XPR1: variants seen among roughly 807,000 people sequenced by gnomAD.
The protein encoded by XPR1 is xenotropic and polytropic retrovirus receptor 1, also known as solute carrier family 53 member 1.
In XPR1, 28 loss-of-function variants were observed where a neutral mutation model predicts 87.5. That is an observed-to-expected ratio of 0.32 (90% CI 0.24 to 0.44). The LOEUF (loss-of-function observed/expected upper bound fraction) is 0.44, where lower values mean the gene tolerates loss of function less well. Among genes scored for constraint, XPR1 ranks in the 20% least tolerant of loss-of-function variants. The pLI, the probability that XPR1 is intolerant of heterozygous loss-of-function variation, is 1.00. For synonymous variants in XPR1, 300 were observed against 306.1 expected (o/e 0.98, Z 0.21); for missense variants, 559 against 862.3 (o/e 0.65, Z 4.41).
chr1:180,847,215 C>T (rs1222810656), intron 11 of XPR1, among the ~76,000 whole-genome samples: 1 of 152,188 alleles, frequency 6.6e-6, no homozygotes, highest in Non-Finnish European at 1.5e-5. Context: ...AGTCTTCTCA[C>T]TTATGAATAT....
chr1:180,762,705 A>G (rs1027194962), intron 2 of XPR1, among the ~76,000 whole-genome samples: 4 of 152,242 alleles, frequency 2.6e-5, no homozygotes, highest in Admixed American at 6.5e-5. Flanking sequence ...GAACAAGTCT[A>G]TAATGCTAAT....
intron 11 of XPR1, among the ~76,000 whole-genome samples, chr1:180,854,704 A>G (rs901866531): frequency 3.9e-5 from 6 of 152,200 alleles, no homozygotes; most frequent in Non-Finnish European, 8.8e-5. Flanking sequence ...CATTGTTTTT[A>G]GGGACTGGTT....
intron 1 of XPR1, among the ~76,000 whole-genome samples, chr1:180,639,353 T>G (rs774597958): frequency 6.6e-6 from 1 of 152,120 alleles, no homozygotes; most frequent in Non-Finnish European, 1.5e-5. Flanking sequence ...ATAATTAATC[T>G]ACTGTAAACA....
intron 1 of XPR1, among the ~76,000 whole-genome samples, chr1:180,646,001 A>G (rs1655107250): frequency 6.6e-6 from 1 of 152,240 alleles, no homozygotes; most frequent in Non-Finnish European, 1.5e-5. Flanking sequence ...ACAAAAGTGC[A>G]CATAATATAT....
In XPR1 at chr1:180,731,328, G is replaced by A. The variant is rs147538037; in HGVS notation, c.121+48917G>A. Among the ~76,000 whole-genome samples, 853 of 152,280 alleles carry A rather than the reference G, an allele frequency of 5.6e-3. 11 individuals carry two copies. The highest frequency in any genetic ancestry group is 0.02 in the African/African-American group (812 of 41,528). On this transcript the variant is annotated intron_variant, in intron 2 of 14. Coordinates refer to ENST00000367590, the MANE Select transcript of XPR1 (RefSeq NM_004736.4). The stretch of plus-strand genomic sequence containing the variant: ...TGCTAAGGAAGAAGGCTTTAATCAG[G>A]TGCTGCGGCCGAGGGGATGGAAGCT...
intron 1 of XPR1, among the ~76,000 whole-genome samples, chr1:180,638,793 A>C (rs1318239677): frequency 6.6e-6 from 1 of 152,180 alleles, no homozygotes; most frequent in Non-Finnish European, 1.5e-5. Context: ...CATGGATATA[A>C]ATTTGTATTA....
At chr1:180,666,341 G>A (rs1011273068) in intron 1 of XPR1, among the ~76,000 whole-genome samples, 25 of 152,278 alleles carry the variant, frequency 1.6e-4, no homozygotes, top group African/African-American at 5.8e-4. Flanking sequence ...TTAGGATTTC[G>A]ATAGGTACTG....
intron 2 of XPR1, among the ~76,000 whole-genome samples, chr1:180,729,495 A>G (rs1356247446): frequency 6.6e-6 from 1 of 152,200 alleles, no homozygotes; most frequent in African/African-American, 2.4e-5. Context: ...TTTCCACAAT[A>G]GTTGAACTAA....
intron 2 of XPR1, among the ~76,000 whole-genome samples, chr1:180,739,346 A>G (rs958662407): frequency 6.6e-5 from 10 of 151,962 alleles, no homozygotes; most frequent in African/African-American, 1.7e-4. Context: ...TTTTATGGCT[A>G]TTTTCATTCT....
intron 2 of XPR1, among the ~76,000 whole-genome samples, chr1:180,702,191 T>C (rs1657358075): frequency 2.1e-5 from 2 of 94,656 alleles, no homozygotes; most frequent in East Asian, 2.5e-4. Context: ...CATTTCGTTA[T>C]GTACCCAGTA....
chr1:180,863,862 A>G lies in XPR1; in HGVS notation c.1656A>G (p.Val552=), dbSNP rs1652297650. 7.5e-6 allele frequency: 12 copies of G among 1,598,716 alleles called. No individual in the cohort carries two copies. The highest frequency in any genetic ancestry group is 1.0e-5 in the Non-Finnish European group (12 of 1,174,888). Residue 552 remains valine, a synonymous_variant, in exon 12 of 15, where the codon GTA becomes GTG. Transcript: ENST00000367590. Reference sequence around the variant, plus strand: ...ACACTTTCCTCCGGGAAGAGATTGTATACCCCCAAAAAGTATGTATAAAGA... The same window carrying G: ...ACACTTTCCTCCGGGAAGAGATTGTGTACCCCCAAAAAGTATGTATAAAGA... ...GENTFLREEI[V]YPQKAYYYCA...
intron 11 of XPR1, among the ~76,000 whole-genome samples, chr1:180,849,299 AAG>A: frequency 6.6e-6 from 1 of 152,244 alleles, no homozygotes; most frequent in East Asian, 1.9e-4. Flanking sequence ...ACATGACAGT[AAG>A]TAGCAAAACC....
chr1:180,684,606 C>T (rs577121039), intron 2 of XPR1, among the ~76,000 whole-genome samples: 90 of 152,214 alleles, frequency 5.9e-4, no homozygotes, highest in African/African-American at 2.1e-3. Flanking sequence ...AATATTGATT[C>T]TTCCTACCCA....
At chr1:180,701,446 A>G (rs1657327949) in intron 2 of XPR1, among the ~76,000 whole-genome samples, 1 of 129,198 alleles carries the variant, frequency 7.7e-6, no homozygotes, top group Non-Finnish European at 1.6e-5. Flanking sequence ...AATTTTGTCA[A>G]AGGCTTTTTC....
Position 180,670,429 on chromosome 1 carries a change from A to G in XPR1, c.70-11931A>G, listed in dbSNP as rs542792301. 1.8e-3 allele frequency among the ~76,000 whole-genome samples: 272 copies of G among 152,294 alleles called. 3 individuals carry two copies. The highest frequency in any genetic ancestry group is 6.3e-3 in the African/African-American group (262 of 41,558). The stretch of plus-strand genomic sequence containing the variant: ...CCATGAGGAGTACATTTAACATCAT[A>G]TAGTTAAAACACTCTAATTTGAATT... On this transcript the variant is annotated intron_variant, in intron 1 of 14. Transcript: ENST00000367590.
At chr1:180,822,894 A>T (rs886921629) in intron 7 of XPR1, among the ~76,000 whole-genome samples, 1 of 152,214 alleles carries the variant, frequency 6.6e-6, no homozygotes, top group African/African-American at 2.4e-5. Context: ...TAAATCTTCT[A>T]TATACTACAG....
At chr1:180,695,021 T>G (rs970639744) in intron 2 of XPR1, among the ~76,000 whole-genome samples, 9 of 152,196 alleles carry the variant, frequency 5.9e-5, no homozygotes, top group African/African-American at 2.2e-4. Context: ...CAACAGTGAA[T>G]AAGAGTCCCC....
Position 180,811,571 on chromosome 1 carries a change from G to A in XPR1, c.763+83G>A, listed in dbSNP as rs1330730043. 4 of 1,067,944 alleles carry A rather than the reference G, an allele frequency of 3.7e-6. No individual in the cohort carries two copies. The Admixed American group carries it at 6.5e-5, about 17-fold the overall frequency. 66.2% of individuals were successfully genotyped at this position (1,067,944 alleles called of 1,614,324 possible). A position where few individuals can be genotyped will look rare whatever the true frequency, so the allele number is the denominator to read the frequency against. On this transcript the variant is annotated intron_variant, in intron 7 of 14. Coordinates refer to ENST00000367590, the MANE Select transcript of XPR1 (RefSeq NM_004736.4). ...TGCCCCTCTGTAAGGAATTATGCAT[G>A]CAACTACCAAAGCTACTGAAAGATA...
intron 3 of XPR1, among the ~76,000 whole-genome samples, chr1:180,797,757 G>A (rs2102108122): frequency 6.6e-6 from 1 of 152,222 alleles, no homozygotes; most frequent in Admixed American, 6.5e-5. Context: ...CATATTGTAT[G>A]TAGTATTTTT....
Sources: gnomAD v4.1 joint callset for allele counts (sites outside exome capture counted in the v4.1 genomes callset) on GRCh38, gnomAD v4.1.1 for gene constraint, MANE v1.5 for transcripts, NCBI Gene and HGNC (gene_info 2026-07-23, HGNC 2026-07-21) for gene names.